PEX7: variants seen among roughly 807,000 people sequenced by gnomAD.
PEX7 encodes PTS2 receptor.
Under a neutral mutation model 47.5 loss-of-function variants are expected in PEX7, and 34 were observed. That is an observed-to-expected ratio of 0.72 (90% CI 0.54 to 0.95). PEX7 has a LOEUF of 0.95. PEX7 is among the 40% of genes least tolerant of loss of function. The pLI is 0.00. For synonymous variants in PEX7, 141 were observed against 148.8 expected, an observed-to-expected ratio of 0.95 and a Z score of 0.38; for missense variants, 394 against 400.3, an observed-to-expected ratio of 0.98 and a Z score of 0.13.
intron 5 of PEX7, among the ~76,000 whole-genome samples, chr6:136,859,732 A>C (rs2115199741): frequency 6.6e-6 from 1 of 152,218 alleles, no homozygotes; most frequent in Non-Finnish European, 1.5e-5. Context: ...ATTTAAATTC[A>C]CTGGTTCTGG....
Position 136,845,630 on chromosome 6 carries a change from T to G in PEX7, c.355T>G (p.Trp119Gly). 6.2e-7 allele frequency: 1 copy of G among 1,608,128 alleles called. No homozygotes were observed. The highest frequency in any genetic ancestry group is 1.1e-5 in the South Asian group (1 of 90,980). The change falls in exon 4 of 10, where the codon TGG becomes GGG. Residue 119 changes from tryptophan to glycine, a missense_variant. Coordinates refer to ENST00000318471, the MANE Select transcript of PEX7 (RefSeq NM_000288.4). The part of the protein sequence containing the change: ...EHAQEVYSVD[W>G]SQTRGEQLVV... ...ATGTTTTTAGGTGTATAGTGTTGATTGGAGCCAAACCAGAGGTGAACAGCT... is the reference window on the plus strand; with the variant it reads ...ATGTTTTTAGGTGTATAGTGTTGATGGGAGCCAAACCAGAGGTGAACAGCT...
At chr6:136,889,146 T>A (rs2115258790) in intron 8 of PEX7, among the ~76,000 whole-genome samples, 1 of 152,294 alleles carries the variant, frequency 6.6e-6, no homozygotes, top group Non-Finnish European at 1.5e-5. Flanking sequence ...TTTTAATATG[T>A]CCCGAAAGAG....
intron 9 of PEX7, among the ~76,000 whole-genome samples, chr6:136,912,346 GTTATACAGTTTGCTTTTATAT>G (rs1013995526): frequency 6.7e-6 from 1 of 150,294 alleles, no homozygotes; most frequent in Non-Finnish European, 1.5e-5. Context: ...TTCTGAAAGT[GTTATACAGTTTGCTTTTATAT>G]TTAGGTCTGT....
At chr6:136,861,279 T>A (rs1422816870) in intron 5 of PEX7, among the ~76,000 whole-genome samples, 1 of 152,030 alleles carries the variant, frequency 6.6e-6, no homozygotes, top group Non-Finnish European at 1.5e-5. Context: ...GAGACAGGAT[T>A]TCACGGTTGC....
At chr6:136,834,378 G>A (rs1472735235) in intron 3 of PEX7, among the ~76,000 whole-genome samples, 1 of 152,128 alleles carries the variant, frequency 6.6e-6, no homozygotes, top group Non-Finnish European at 1.5e-5. Context: ...CACCATGCCT[G>A]GCTAATTTTT....
At chr6:136,838,806 A>C (rs1255144535) in intron 3 of PEX7, among the ~76,000 whole-genome samples, 1 of 152,160 alleles carries the variant, frequency 6.6e-6, no homozygotes, top group Non-Finnish European at 1.5e-5. Context: ...GAAGGTGTGT[A>C]ATGGGTGCCT....
chr6:136,907,718 A>T (rs752349646), intron 9 of PEX7, among the ~76,000 whole-genome samples: 1 of 152,190 alleles, frequency 6.6e-6, no homozygotes, highest in Non-Finnish European at 1.5e-5. Context: ...TATTATTAAC[A>T]ATCACATTAA....
At chr6:136,845,986 T>C (rs1774591294) in intron 4 of PEX7, 87 bp from the exon 5 acceptor site, 1 of 766,976 alleles carries the variant, frequency 1.3e-6, no homozygotes, top group Admixed American at 2.0e-5. Flanking sequence ...TATATAAATG[T>C]ATATAGTTTA....
At chr6:136,868,243 C>A (rs950358149) in intron 6 of PEX7, among the ~76,000 whole-genome samples, 1 of 152,116 alleles carries the variant, frequency 6.6e-6, no homozygotes, top group Non-Finnish European at 1.5e-5. Context: ...TTGCCTAATG[C>A]CACATTTCTG....
At chr6:136,857,940 GC>G (rs1774890647) in intron 5 of PEX7, among the ~76,000 whole-genome samples, 1 of 152,006 alleles carries the variant, frequency 6.6e-6, no homozygotes, top group Non-Finnish European at 1.5e-5. Flanking sequence ...TCCCACCTCA[GC>G]CTACTAGCTA....
intron 8 of PEX7, among the ~76,000 whole-genome samples, chr6:136,894,663 A>G (rs760143234): frequency 3.7e-4 from 56 of 152,246 alleles, no homozygotes; most frequent in Non-Finnish European, 6.8e-4. Context: ...TGCATTGTTA[A>G]AGAATTGTGG....
At chr6:136,866,280 C>T (rs1775070772) in intron 5 of PEX7, among the ~76,000 whole-genome samples, 1 of 152,024 alleles carries the variant, frequency 6.6e-6, no homozygotes, top group Admixed American at 6.6e-5. Context: ...GTTTCTAGTA[C>T]AATACACTGG....
At chr6:136,908,010 C>T (rs1354134594) in intron 9 of PEX7, among the ~76,000 whole-genome samples, 3 of 152,122 alleles carry the variant, frequency 2.0e-5, no homozygotes, top group Admixed American at 6.5e-5. Context: ...ATTTATGTAG[C>T]ATTTAGTCCA....
intron 3 of PEX7, among the ~76,000 whole-genome samples, chr6:136,843,552 A>G (rs1452113196): frequency 6.6e-6 from 1 of 152,248 alleles, no homozygotes; most frequent in Non-Finnish European, 1.5e-5. Context: ...TAAAATCTAA[A>G]GTATTTACCA....
chr6:136,846,234 G>A (rs1194569308), intron 5 of PEX7, 53 bp downstream of exon 5: 1 of 1,075,544 alleles, frequency 9.3e-7, no homozygotes, highest in Non-Finnish European at 1.4e-6. Flanking sequence ...TGGTGGCCTT[G>A]TTTTTACCAT....
chr6:136,866,538 T>A, intron 5 of PEX7, 89 bp from the exon 6 acceptor site: 1 of 1,087,924 alleles, frequency 9.2e-7, no homozygotes, highest in Admixed American at 1.8e-5. Context: ...AAGCAGTGTA[T>A]TTTTACTTGA....
intron 3 of PEX7, among the ~76,000 whole-genome samples, chr6:136,830,596 T>C (rs934388507): frequency 1.3e-5 from 2 of 152,196 alleles, no homozygotes; most frequent in African/African-American, 4.8e-5. Context: ...GCCTTTGGCT[T>C]TGCTTATTCT....
At chr6:136,839,530 C>G (rs1055189394) in intron 3 of PEX7, among the ~76,000 whole-genome samples, 5 of 152,166 alleles carry the variant, frequency 3.3e-5, no homozygotes, top group African/African-American at 1.2e-4. Flanking sequence ...TAATTTTCTT[C>G]ACCACTGCCA....
In PEX7 at chr6:136,862,019, T is replaced by TTATATATATATATTTTATATATATTA. The variant is rs1562741955; in HGVS notation, c.527-4593_527-4568dup. ...CTATATATATATATTTTTTCTGTAT[T>TTATATATATATATTTTATATATATTA]TATATATATATATTTTATATATATT... On this transcript the variant is annotated intron_variant, in intron 5 of 9. Coordinates refer to ENST00000318471, the MANE Select transcript of PEX7 (RefSeq NM_000288.4). Among the ~76,000 whole-genome samples the TTATATATATATATTTTATATATATTA allele has an allele frequency of 5.2e-4, 75 of 143,364 alleles. 1 individual carries two copies. The highest frequency in any genetic ancestry group is 1.6e-3 in the African/African-American group (63 of 39,358). 94.1% of individuals were successfully genotyped at this position (143,364 alleles called of 152,430 possible). A position where few individuals can be genotyped will look rare whatever the true frequency, so the allele number is the denominator to read the frequency against.
Sources: allele counts gnomAD v4.1 joint callset (sites outside exome capture counted in the v4.1 genomes callset), GRCh38; gene constraint gnomAD v4.1.1; transcripts MANE v1.5; gene names NCBI Gene and HGNC (gene_info 2026-07-23, HGNC 2026-07-21).